The following GPRC5B variants were observed in gnomAD, a reference collection of about 807,000 sequenced individuals.
GPRC5B encodes the protein G protein-coupled receptor family C group 5 member B.
A neutral mutation model predicts 30.1 loss-of-function variants in GPRC5B; 16 were observed. The ratio of observed to expected loss-of-function variants is 0.53; its 90% CI spans 0.36 to 0.81. The LOEUF (loss-of-function observed/expected upper bound fraction) is 0.81, where lower values mean the gene tolerates loss of function less well. GPRC5B is among the 30% of genes least tolerant of loss of function. The pLI is 0.01. For synonymous variants in GPRC5B, 241 were observed against 239.5 expected, an observed-to-expected ratio of 1.01 and a Z score of -0.06; for missense variants, 428 against 544.7, an observed-to-expected ratio of 0.79 and a Z score of 2.13.
At position 19,858,649 on chromosome 16, in the gene GPRC5B, C is replaced by T; in HGVS notation, c.*1851G>A. 1 of 533,006 alleles carries T rather than the reference C, an allele frequency of 1.9e-6. No individual in the cohort carries two copies. The highest frequency in any genetic ancestry group is 3.4e-6 in the Non-Finnish European group (1 of 296,648). 33.0% of individuals were successfully genotyped at this position (533,006 alleles called of 1,614,324 possible). On this transcript the variant is annotated 3_prime_UTR_variant, in exon 4 of 4. Coordinates refer to ENST00000300571, the MANE Select transcript of GPRC5B (RefSeq NM_016235.3). ...TACCGGGTCCGCATGCAACCGCCCC[C>T]ACCCCCACCCCAGGTCCTAGCTTCA... is the stretch of plus-strand genomic sequence containing the variant.
chr16:19,882,189 T>C (rs1180493602), intron 1 of GPRC5B: 5 of 152,248 alleles, frequency 3.3e-5, no homozygotes, highest in African/African-American at 1.2e-4. Flanking sequence ...CAATGCTGAC[T>C]AGACCACTGG....
chr16:19,885,630 C>T (rs753487397), upstream of GPRC5B: 3 of 1,003,754 alleles, frequency 3.0e-6, no homozygotes, highest in Non-Finnish European at 3.6e-6. This position sits in a 1 kb window ranked among gnomAD's most constrained non-coding sequence, Gnocchi z 5.3. Flanking sequence ...CCCTTCAGGG[C>T]TCACACACTC....
rs2056578961 is a variant in GPRC5B at position 19,857,701 on chromosome 16, AC to A, written c.*2798del. The A allele has an allele frequency of 5.7e-6, 1 of 174,054 alleles. No homozygotes were observed. Among genetic ancestry groups the A allele is most frequent in the African/African-American group, 2.7e-5 (1 of 36,432 alleles). The allele number at this position is 174,054 out of a possible 1,614,324, so 10.8% of individuals were successfully genotyped here. A position where few individuals can be genotyped will look rare whatever the true frequency, so the allele number is the denominator to read the frequency against. ...TCAGCCTTGGCCAACCGAGACCACC[AC>A]CCGAGTTCACCCTTGTTCAGTGGGT... On this transcript the variant is annotated 3_prime_UTR_variant, in exon 4 of 4. Transcript: ENST00000300571.
chr16:19,885,305 C>G (rs2141157615), upstream of GPRC5B: 2 of 1,256,966 alleles, frequency 1.6e-6, no homozygotes, highest in African/African-American at 3.1e-5. This position sits in a 1 kb window ranked among gnomAD's most constrained non-coding sequence, Gnocchi z 5.3. Context: ...CGAAACACAC[C>G]AGCACCAGGT....
rs1053801361 is a variant in GPRC5B, at chr16:19,859,789, G to C, written c.*711C>G. ...GGGCGGGGCCTGTGTTCTCACCATA[G>C]ACACTAGAGCAAGAGCCCCATAGAA... On this transcript the variant is annotated 3_prime_UTR_variant, in exon 4 of 4. Coordinates refer to ENST00000300571, the MANE Select transcript of GPRC5B (RefSeq NM_016235.3). 2.8e-4 allele frequency: 42 copies of C among 152,580 alleles called. No individual in the cohort carries two copies. The highest frequency in any genetic ancestry group is 1.0e-3 in the African/African-American group (42 of 41,392). The allele number at this position is 152,580 out of a possible 1,614,324, so 9.5% of individuals were successfully genotyped here.
intron 1 of GPRC5B, among the ~76,000 whole-genome samples, chr16:19,883,944 G>A (rs2056828964): frequency 6.6e-6 from 1 of 152,190 alleles, no homozygotes; most frequent in Non-Finnish European, 1.5e-5. Context: ...AGGGACCCCG[G>A]GATGTGTGGG....
intron 2 of GPRC5B, among the ~76,000 whole-genome samples, chr16:19,864,292 A>C (rs1355376208): frequency 6.6e-6 from 1 of 152,246 alleles, no homozygotes; most frequent in African/African-American, 2.4e-5. Flanking sequence ...GGCCCTAATG[A>C]GATCTGACAG....
In GPRC5B at chr16:19,857,674, A is replaced by G. The variant is rs558084991; in HGVS notation, c.*2826T>C. 133 of 224,290 alleles carry G rather than the reference A, an allele frequency of 5.9e-4. 2 individuals carry two copies. The highest frequency in any genetic ancestry group is 3.1e-3 in the African/African-American group (131 of 41,962). The allele number at this position is 224,290 out of a possible 1,614,324, so 13.9% of individuals were successfully genotyped here. A position where few individuals can be genotyped will look rare whatever the true frequency, so the allele number is the denominator to read the frequency against. On this transcript the variant is annotated 3_prime_UTR_variant, in exon 4 of 4. Transcript: ENST00000300571. ...CTTGGGGTTTGGCCTGAGGCGTTCAACTCAGCCTTGGCCAACCGAGACCAC... is the reference window on the plus strand; with the variant it reads ...CTTGGGGTTTGGCCTGAGGCGTTCAGCTCAGCCTTGGCCAACCGAGACCAC...
chr16:19,859,278 A>G lies in GPRC5B; in HGVS notation c.*1222T>C, dbSNP rs2056601580. On this transcript the variant is annotated 3_prime_UTR_variant, in exon 4 of 4. Coordinates refer to ENST00000300571, the MANE Select transcript of GPRC5B (RefSeq NM_016235.3). ...ATGGCCGAGATGTTCGAAATGCTAA[A>G]TAACAAAGGAATGACTTGCTCAGGA... The G allele has an allele frequency of 6.5e-6, 1 of 152,696 alleles. No homozygotes were observed. The highest frequency in any genetic ancestry group is 2.4e-5 in the African/African-American group (1 of 41,464). 9.5% of individuals were successfully genotyped at this position (152,696 alleles called of 1,614,324 possible).
rs1018148708 is a variant in GPRC5B, at chr16:19,859,957, CACCCACA to C, written c.*536_*542del. The C allele has an allele frequency of 1.0e-4, 16 of 153,200 alleles. No individual in the cohort carries two copies. Among genetic ancestry groups the C allele is most frequent in the Admixed American group, 7.2e-4 (11 of 15,294 alleles). 9.5% of individuals were successfully genotyped at this position (153,200 alleles called of 1,614,324 possible). ...TCAGTTGGGCCTCACCTTGGAATCC[CACCCACA>C]ACCTCCTTAACTCTCCTGACCCCCC... On this transcript the variant is annotated 3_prime_UTR_variant, in exon 4 of 4. Coordinates refer to ENST00000300571, the MANE Select transcript of GPRC5B (RefSeq NM_016235.3).
chr16:19,864,770 C>T (rs6497415), intron 2 of GPRC5B, among the ~76,000 whole-genome samples: 34,814 of 152,168 alleles, frequency 0.23, 4,335 homozygotes, highest in African/African-American at 0.32. Flanking sequence ...GAGGTCAGCA[C>T]CAAAGATGCC....
In GPRC5B at chr16:19,872,429, G is replaced by A. The variant is rs777280286; in HGVS notation, c.417C>T (p.Cys139=). ...WGVLFALCFS[C]LLSQAWRVRR... is the part of the protein sequence containing the mutation. Reference sequence around the variant, plus strand: ...GCACGCGCCATGCCTGGCTCAGCAGGCAGGAGAAGCAGAGCGCAAAGAGGA... The same window carrying A: ...GCACGCGCCATGCCTGGCTCAGCAGACAGGAGAAGCAGAGCGCAAAGAGGA... The change falls in exon 2 of 4, where the codon TGC becomes TGT. Residue 139 remains cysteine, a synonymous_variant. Coordinates refer to ENST00000300571, the MANE Select transcript of GPRC5B (RefSeq NM_016235.3). The surrounding 1 kb of genome is among the most constrained non-coding windows in gnomAD (Gnocchi z 5.0). The A allele has an allele frequency of 3.1e-6, 5 of 1,613,854 alleles. No individual in the cohort carries two copies. The highest frequency in any genetic ancestry group is 1.1e-5 in the South Asian group (1 of 91,068).
At chr16:19,864,701 A>C (rs1387449988) in intron 2 of GPRC5B, among the ~76,000 whole-genome samples, 2 of 152,368 alleles carry the variant, frequency 1.3e-5, no homozygotes, top group Non-Finnish European at 2.9e-5. Context: ...GTGAGACCCA[A>C]GGGCTCAAGG....
At chr16:19,879,991 A>C (rs1274808338) in intron 1 of GPRC5B, among the ~76,000 whole-genome samples, 4 of 151,502 alleles carry the variant, frequency 2.6e-5, no homozygotes, top group Non-Finnish European at 1.5e-5. Context: ...AAAATTAGCC[A>C]GGTGTGGTGG....
At chr16:19,863,946 ACCTTGAT>A (rs909053108) in intron 2 of GPRC5B, among the ~76,000 whole-genome samples, 7 of 151,878 alleles carry the variant, frequency 4.6e-5, no homozygotes, top group Non-Finnish European at 1.0e-4. Flanking sequence ...CCCCCCCGCA[ACCTTGAT>A]CCATGGAAAG....
At chr16:19,876,227 G>GA (rs892364819) in intron 1 of GPRC5B, among the ~76,000 whole-genome samples, 16 of 152,228 alleles carry the variant, frequency 1.1e-4, no homozygotes, top group Non-Finnish European at 1.0e-4. Context: ...ACCCCAAGGG[G>GA]ACATTTGGCA....
chr16:19,863,491 C>CTTTTTTT (rs10541805), intron 2 of GPRC5B, among the ~76,000 whole-genome samples: 2 of 82,272 alleles, frequency 2.4e-5, no homozygotes, highest in Non-Finnish European at 2.2e-5. Context: ...AATCTGTGTT[C>CTTTTTTT]TTTTTTTTTT....
chr16:19,872,607 C>T lies in GPRC5B; in HGVS notation c.239G>A (p.Arg80Gln), dbSNP rs776414523. Reference protein sequence around the residue: ...TLLLMLILLVRLPFIKEKEKK... With the variant: ...TLLLMLILLVQLPFIKEKEKK... ...CTCCTTCTCCTTGATGAAGGGCAGC[C>T]GCACCAGGAGGATGAGCATCAGGAG... Residue 80 changes from arginine to glutamine, a missense_variant, in exon 2 of 4, where the codon CGG (arginine) becomes CAG (glutamine). By Grantham distance (43) the Arg-to-Gln change is conservative (BLOSUM62 1). This residue lies in a region of GPRC5B where 196 missense variants were observed against 272.6 expected (regional missense o/e 0.72). Transcript: ENST00000300571. This position sits in a 1 kb window ranked among gnomAD's most constrained non-coding sequence, Gnocchi z 5.0. 2.7e-5 allele frequency: 44 copies of T among 1,613,934 alleles called. No homozygotes were observed. In the South Asian group the frequency reaches 3.1e-4, roughly 11 times the overall value.
chr16:19,883,310 C>T, intron 1 of GPRC5B, among the ~76,000 whole-genome samples: 1 of 152,212 alleles, frequency 6.6e-6, no homozygotes, highest in East Asian at 1.9e-4. Context: ...CCTTCCCTTC[C>T]CAACTCAGCT....
Sources: allele counts gnomAD v4.1 joint callset (sites outside exome capture counted in the v4.1 genomes callset), GRCh38; gene constraint gnomAD v4.1.1; regional missense constraint gnomAD v4.1.1; non-coding constraint Gnocchi (gnomAD v3.1); transcripts MANE v1.5; gene names NCBI Gene and HGNC (gene_info 2026-07-23, HGNC 2026-07-21).